DMD: variants seen among roughly 807,000 people sequenced by gnomAD.
DMD encodes the protein mutant dystrophin.
A neutral mutation model predicts 330.1 loss-of-function variants in DMD; 63 were observed. That is an observed-to-expected ratio of 0.19 (90% CI 0.16 to 0.24). The LOEUF is 0.24. DMD is among the 10% of genes least tolerant of loss of function. The pLI is 1.00. For synonymous variants in DMD, 1,223 were observed against 959.8 expected (o/e 1.27, Z -5.07); for missense variants, 3,344 against 2,684.1 (o/e 1.25, Z -5.43).
intron 1 of DMD, among the ~76,000 whole-genome samples, chrX:33,306,426 G>A (rs1218783089): frequency 9.0e-6 from 1 of 111,608 alleles, no homozygotes; most frequent in Middle Eastern, 4.2e-3. Flanking sequence ...GGTCATAGTA[G>A]AGCTGAAAAT....
intron 60 of DMD, among the ~76,000 whole-genome samples, chrX:31,379,737 G>C (rs185565209): frequency 2.4e-3 from 265 of 112,120 alleles, no homozygotes; most frequent in Non-Finnish European, 3.4e-3. Flanking sequence ...CTGCAGCTGC[G>C]AGGGGTTCCT....
At chrX:32,414,492 C>A (rs2052118031) in intron 29 of DMD, among the ~76,000 whole-genome samples, 1 of 111,819 alleles carries the variant, frequency 8.9e-6, no homozygotes, top group African/African-American at 3.2e-5. Context: ...TTTAATCTCC[C>A]ATTAATGGTC....
rs368647009 is a variant in DMD, at chrX:31,977,997, A to G, written c.6439-9483T>C. 3.6e-5 allele frequency among the ~76,000 whole-genome samples: 4 copies of G among 111,698 alleles called. No individual in the cohort carries two copies. The East Asian group carries it at 8.5e-4, about 24-fold the overall frequency. On this transcript the variant is annotated intron_variant, in intron 44 of 78. Coordinates refer to ENST00000357033, the MANE Select transcript of DMD (RefSeq NM_004006.3). ...AAAAGGTTAGGGATATTTGTAAAAG[A>G]GTGGTGAAAACTATAGGTTTTACTT...
chrX:31,692,138 A>T (rs1299243555), intron 52 of DMD, among the ~76,000 whole-genome samples: 1 of 111,917 alleles, frequency 8.9e-6, no homozygotes, highest in Admixed American at 9.5e-5. Flanking sequence ...AAATATGTGG[A>T]AACTAAACAA....
At chrX:31,345,320 A>C (rs1198194278) in intron 61 of DMD, among the ~76,000 whole-genome samples, 3 of 111,319 alleles carry the variant, frequency 2.7e-5, no homozygotes, top group Non-Finnish European at 5.7e-5. Context: ...TTGGCCCCTC[A>C]AAGTTCCTTC....
intron 64 of DMD, among the ~76,000 whole-genome samples, chrX:31,221,195 T>C (rs2045993675): frequency 9.0e-6 from 1 of 111,450 alleles, no homozygotes; most frequent in Non-Finnish European, 1.9e-5. Flanking sequence ...CCATACTCTG[T>C]TCCACAGCAA....
rs182655086 is a variant in DMD, at chrX:33,157,004, C to T, written c.31+54278G>A. ...AACTGATGTCCAATGGAACAGTAAGCTTTGACAGTTCACATTCTTTATAGA... is the reference window on the plus strand; with the variant it reads ...AACTGATGTCCAATGGAACAGTAAGTTTTGACAGTTCACATTCTTTATAGA... On this transcript the variant is annotated intron_variant, in intron 1 of 78. Transcript: ENST00000357033. Among the ~76,000 whole-genome samples, 5 of 112,007 alleles carry T rather than the reference C, an allele frequency of 4.5e-5. No homozygotes were observed. The East Asian group carries it at 1.4e-3, about 31-fold the overall frequency.
chrX:31,868,921 T>C (rs1462249490), intron 48 of DMD, among the ~76,000 whole-genome samples: 1 of 111,800 alleles, frequency 8.9e-6, no homozygotes, highest in Non-Finnish European at 1.9e-5. Flanking sequence ...TAGAACTTGA[T>C]GAGTTTGGAG....
At chrX:32,802,736 G>T (rs2076669600) in intron 7 of DMD, among the ~76,000 whole-genome samples, 1 of 111,850 alleles carries the variant, frequency 8.9e-6, no homozygotes, top group African/African-American at 3.3e-5. Flanking sequence ...TAATCATGTG[G>T]TTTTTGTCAT....
intron 74 of DMD, among the ~76,000 whole-genome samples, chrX:31,160,658 C>T (rs191514740): frequency 8.9e-6 from 1 of 111,869 alleles, no homozygotes; most frequent in East Asian, 2.8e-4. Flanking sequence ...AGTGCAAATG[C>T]TAACGTAATG....
chrX:33,262,867 C>A (rs2052981856), intron 1 of DMD, among the ~76,000 whole-genome samples: 2 of 109,713 alleles, frequency 1.8e-5, no homozygotes. Flanking sequence ...AAGAAATAGA[C>A]CAAAAGTCAA....
chrX:31,966,647 T>C (rs17308954), intron 45 of DMD, among the ~76,000 whole-genome samples: 3,492 of 111,229 alleles, frequency 0.031, 49 homozygotes, highest in Non-Finnish European at 0.049. Context: ...TTAAAATTTG[T>C]ATACTATTTC....
intron 44 of DMD, among the ~76,000 whole-genome samples, chrX:32,172,283 A>G (rs1315024781): frequency 8.9e-6 from 1 of 112,024 alleles, no homozygotes; most frequent in Non-Finnish European, 1.9e-5. Flanking sequence ...ATTGTTCATA[A>G]TGATATGAGC....
intron 7 of DMD, among the ~76,000 whole-genome samples, chrX:32,790,172 T>C (rs907260746): frequency 9.0e-6 from 1 of 111,255 alleles, no homozygotes; most frequent in Non-Finnish European, 1.9e-5. Context: ...AAGTAGATAA[T>C]CATACTTTGA....
intron 52 of DMD, among the ~76,000 whole-genome samples, chrX:31,720,660 A>G (rs994795384): frequency 7.2e-5 from 8 of 111,711 alleles, no homozygotes. Flanking sequence ...TTTATTTAAT[A>G]GTTTTGTTTA....
intron 11 of DMD, among the ~76,000 whole-genome samples, chrX:32,636,076 T>G (rs912729683): frequency 8.9e-6 from 1 of 112,111 alleles, no homozygotes; most frequent in African/African-American, 3.2e-5. Context: ...TCTTAGGCAC[T>G]AATATAGTAG....
chrX:31,517,338 C>T (rs1419170468), intron 55 of DMD, among the ~76,000 whole-genome samples: 1 of 111,050 alleles, frequency 9.0e-6, no homozygotes, highest in African/African-American at 3.3e-5. Flanking sequence ...GACTCCAATC[C>T]TGCTAGCAGA....
rs548786499 is a variant in DMD, at chrX:32,727,264, T to C, written c.650-27971A>G. Reference sequence around the variant, plus strand: ...AGATTGGCTTAGATTACACATTGTGTCTTATGTTCGCACACATTATCTCAT... The same window carrying C: ...AGATTGGCTTAGATTACACATTGTGCCTTATGTTCGCACACATTATCTCAT... On this transcript the variant is annotated intron_variant, in intron 7 of 78. Coordinates refer to ENST00000357033, the MANE Select transcript of DMD (RefSeq NM_004006.3). Among the ~76,000 whole-genome samples the C allele has an allele frequency of 3.5e-4, 39 of 111,475 alleles. No homozygotes were observed. In the South Asian group the frequency reaches 9.7e-3, roughly 28 times the overall value.
At chrX:31,406,656 T>C (rs2061412484) in intron 60 of DMD, among the ~76,000 whole-genome samples, 1 of 111,382 alleles carries the variant, frequency 9.0e-6, no homozygotes, top group African/African-American at 3.3e-5. Context: ...CCTCACGAAG[T>C]TGGTTTTTAA....
Sources: allele counts gnomAD v4.1 joint callset (sites outside exome capture counted in the v4.1 genomes callset), GRCh38; gene constraint gnomAD v4.1.1; transcripts MANE v1.5; gene names NCBI Gene and HGNC (gene_info 2026-07-23, HGNC 2026-07-21).